ING2: variants seen among roughly 807,000 people sequenced by gnomAD.
ING2 encodes inhibitor of growth family member 2, also known as inhibitor of growth protein 2.
In ING2, 7 loss-of-function variants were observed where a neutral mutation model predicts 30.6. The observed-to-expected ratio is 0.23, with a 90% CI of 0.13 to 0.43. The LOEUF (loss-of-function observed/expected upper bound fraction) is 0.43, where lower values mean the gene tolerates loss of function less well. ING2 is among the 20% of genes least tolerant of loss of function. The pLI, the probability that ING2 is intolerant of heterozygous loss-of-function variation, is 1.00. For missense variants in ING2, 239 were observed against 334.9 expected (o/e 0.71, Z 2.24); for synonymous variants, 136 against 121.7 (o/e 1.12, Z -0.78).
intron 1 of ING2, among the ~76,000 whole-genome samples, chr4:183,508,984 A>G (rs1210807390): frequency 6.6e-6 from 1 of 152,196 alleles, no homozygotes; most frequent in Admixed American, 6.5e-5. Flanking sequence ...TGATTTATCT[A>G]CAAAGGCAGA....
chr4:183,506,759 A>T (rs1473076415), intron 1 of ING2, among the ~76,000 whole-genome samples: 4 of 149,806 alleles, frequency 2.7e-5, no homozygotes, highest in South Asian at 2.2e-4. Flanking sequence ...TTCTGAATCC[A>T]TAGGATTCAT....
In ING2 at chr4:183,505,112, T is replaced by C; in HGVS notation, c.-84T>C. 1 of 1,354,000 alleles carries C rather than the reference T, an allele frequency of 7.4e-7. No individual in the cohort carries two copies. The highest frequency in any genetic ancestry group is 9.6e-7 in the Non-Finnish European group (1 of 1,045,352). The allele number at this position is 1,354,000 out of a possible 1,614,324, so 83.9% of individuals were successfully genotyped here. A position where few individuals can be genotyped will look rare whatever the true frequency, so the allele number is the denominator to read the frequency against. ...CGGGGTCCCCGCGGCGCCGGGCTGC[T>C]GAGCTGAGGGCCCGCGGCGGCCGCG... is the stretch of plus-strand genomic sequence containing the variant. On this transcript the variant is annotated 5_prime_UTR_variant, in exon 1 of 2. Coordinates refer to ENST00000302327, the MANE Select transcript of ING2 (RefSeq NM_001564.4).
intron 1 of ING2, among the ~76,000 whole-genome samples, chr4:183,508,383 T>A (rs772043559): frequency 5.9e-5 from 9 of 152,116 alleles, no homozygotes; most frequent in Non-Finnish European, 1.0e-4. Context: ...TTTTTATGTG[T>A]CTGAGGGAAC....
chr4:183,506,328 G>T, intron 1 of ING2: 1 of 1,302,150 alleles, frequency 7.7e-7, no homozygotes. Flanking sequence ...CGTAGGTTCC[G>T]GGACATGTGT....
chr4:183,510,966 C>T lies in ING2; in HGVS notation c.*14C>T, dbSNP rs1053293902. ...AGATCGAGGTAGTAAAGGCCATCCA[C>T]ATTTTAAAGGGTTATTTGTCTTTTA... On this transcript the variant is annotated 3_prime_UTR_variant, in exon 2 of 2. Coordinates refer to ENST00000302327, the MANE Select transcript of ING2 (RefSeq NM_001564.4). 2.1e-5 allele frequency: 33 copies of T among 1,549,618 alleles called. No homozygotes were observed. Among genetic ancestry groups the T allele is most frequent in the Middle Eastern group, 3.5e-4 (2 of 5,796 alleles).
In ING2 at chr4:183,510,858, AGGGG is replaced by A. The variant is rs1734806146; in HGVS notation, c.750_753del (p.Gly251AsnfsTer55). 1 of 1,614,072 alleles carries A rather than the reference AGGGG, an allele frequency of 6.2e-7. No individual in the cohort carries two copies. The highest frequency in any genetic ancestry group is 2.2e-5 in the East Asian group (1 of 44,892). On this transcript the variant is annotated frameshift_variant, in exon 2 of 2. Coordinates refer to ENST00000302327, the MANE Select transcript of ING2 (RefSeq NM_001564.4). LOFTEE classifies it high-confidence loss of function. ...TGTGTTTCACTTACCTATAAACCAA[AGGGG>A]AAATGGTATTGCCCAAAGTGCAGGG... is the stretch of plus-strand genomic sequence containing the variant.
chr4:183,505,373 A>G lies in ING2; in HGVS notation c.172+6A>G, dbSNP rs6552675. 0.93 allele frequency: 1,419,185 copies of G among 1,526,794 alleles called. 661,321 individuals carry two copies. The highest frequency in any genetic ancestry group is 0.95 in the African/African-American group (67,414 of 70,990). The allele number at this position is 1,526,794 out of a possible 1,614,324, so 94.6% of individuals were successfully genotyped here. A position where few individuals can be genotyped will look rare whatever the true frequency, so the allele number is the denominator to read the frequency against. ...GCTGGACAACAAATATCAAGGTAGG[A>G]GCCGCGGGGCTGCCGGCCTCGGGAG... On this transcript the variant is annotated splice_donor_region_variant and intron_variant, in intron 1 of 1. Coordinates refer to ENST00000302327, the MANE Select transcript of ING2 (RefSeq NM_001564.4).
At chr4:183,510,237 TG>T (rs1323862240) in intron 1 of ING2, 44 bp from the exon 2 acceptor site, 2 of 1,326,960 alleles carry the variant, frequency 1.5e-6, no homozygotes. Flanking sequence ...ATGTTGTGTC[TG>T]CTAACACATG....
intron 1 of ING2, chr4:183,506,191 G>T (rs1416772611): frequency 3.1e-6 from 4 of 1,298,352 alleles, no homozygotes; most frequent in African/African-American, 3.0e-5. Context: ...CGGGGGCGTT[G>T]GTTCGGCCCC....
At chr4:183,509,205 G>T (rs1734755044) in intron 1 of ING2, among the ~76,000 whole-genome samples, 1 of 152,206 alleles carries the variant, frequency 6.6e-6, no homozygotes, top group African/African-American at 2.4e-5. Context: ...TATCTCCGGA[G>T]TCATGTCACA....
At chr4:183,506,187 C>T in intron 1 of ING2, 1 of 1,297,046 alleles carries the variant, frequency 7.7e-7, no homozygotes, top group Admixed American at 2.3e-5. Flanking sequence ...TGTGCGGGGG[C>T]GTTGGTTCGG....
chr4:183,506,248 C>G (rs1447188887), intron 1 of ING2: 1 of 1,304,252 alleles, frequency 7.7e-7, no homozygotes, highest in Non-Finnish European at 1.0e-6. Flanking sequence ...GGTGATGTTT[C>G]CAACCTCTTT....
Position 183,507,722 on chromosome 4 carries a change from T to G in ING2, c.172+2355T>G, listed in dbSNP as rs73870581. 2.1e-3 allele frequency among the ~76,000 whole-genome samples: 316 copies of G among 152,346 alleles called. 1 individual carries two copies. The highest frequency in any genetic ancestry group is 7.2e-3 in the African/African-American group (298 of 41,578). The stretch of plus-strand genomic sequence containing the variant: ...TTTTGGGTTCAGATTTCATGTTTTT[T>G]ATATCTTCACTAGTGCTTAAGTATT... On this transcript the variant is annotated intron_variant, in intron 1 of 1. Coordinates refer to ENST00000302327, the MANE Select transcript of ING2 (RefSeq NM_001564.4).
intron 1 of ING2, chr4:183,506,050 C>T (rs1349060145): frequency 9.0e-7 from 1 of 1,110,720 alleles, no homozygotes; most frequent in Non-Finnish European, 1.1e-6. Flanking sequence ...GCCCCCGCGC[C>T]GGGGGCGGGG....
At chr4:183,505,590 C>G (rs1170016652) in intron 1 of ING2, among the ~76,000 whole-genome samples, 1 of 152,068 alleles carries the variant, frequency 6.6e-6, no homozygotes, top group Non-Finnish European at 1.5e-5. Context: ...CTTGTCAGCC[C>G]CCGCTGCAGA....
chr4:183,508,341 G>T (rs1168316848), intron 1 of ING2, among the ~76,000 whole-genome samples: 1 of 152,078 alleles, frequency 6.6e-6, no homozygotes, highest in African/African-American at 2.4e-5. Context: ...TATTTGAAAA[G>T]AGGTTTGCCT....
chr4:183,510,947 A>G lies in ING2; in HGVS notation c.838A>G (p.Arg280Gly). Reference sequence around the variant, plus strand: ...AAAGACAAAAAAGGATAGAAGATCGAGGTAGTAAAGGCCATCCACATTTTA... The same window carrying G: ...AAAGACAAAAAAGGATAGAAGATCGGGGTAGTAAAGGCCATCCACATTTTA... Reference protein sequence around the residue: ...TEKTKKDRRSR With the variant: ...TEKTKKDRRSG Residue 280 changes from arginine to glycine, a missense_variant, in exon 2 of 2, where the codon AGG becomes GGG. This residue lies in a region of ING2 where 20 missense variants were observed against 17.3 expected (regional missense o/e 1.16). Coordinates refer to ENST00000302327, the MANE Select transcript of ING2 (RefSeq NM_001564.4). 6.3e-7 allele frequency: 1 copy of G among 1,585,336 alleles called. No homozygotes were observed. Among genetic ancestry groups the G allele is most frequent in the Non-Finnish European group, 8.6e-7 (1 of 1,163,028 alleles).
intron 1 of ING2, among the ~76,000 whole-genome samples, chr4:183,507,446 A>G (rs1330089871): frequency 2.6e-5 from 4 of 152,204 alleles, no homozygotes; most frequent in Admixed American, 2.6e-4. Flanking sequence ...GTTTCCTTTC[A>G]CAAGAGTTAA....
intron 1 of ING2, among the ~76,000 whole-genome samples, chr4:183,507,975 ATAAC>A (rs1734718749): frequency 6.6e-6 from 1 of 152,154 alleles, no homozygotes; most frequent in African/African-American, 2.4e-5. Flanking sequence ...TCTTAGATAA[ATAAC>A]AACCTTCAAA....
Sources: allele counts gnomAD v4.1 joint callset (sites outside exome capture counted in the v4.1 genomes callset), GRCh38; gene constraint gnomAD v4.1.1; regional missense constraint gnomAD v4.1.1; transcripts MANE v1.5; gene names NCBI Gene and HGNC (gene_info 2026-07-23, HGNC 2026-07-21).